STPG2: variants seen among roughly 807,000 people sequenced by gnomAD.
STPG2 encodes sperm tail PG-rich repeat containing 2.
STPG2 carries 56 observed loss-of-function variants against 54.2 expected under a neutral mutation model. The ratio of observed to expected loss-of-function variants is 1.03; its 90% CI spans 0.83 to 1.29. The LOEUF is 1.29. STPG2 is among the 50% of genes most tolerant of loss of function. The pLI is 0.00. For missense variants in STPG2, 596 were observed against 544.9 expected, an observed-to-expected ratio of 1.09 and a Z score of -0.93; for synonymous variants, 200 against 181.8, an observed-to-expected ratio of 1.10 and a Z score of -0.81.
chr4:97,981,816 T>TTATATATATAAAATGTTTATATATATATA (rs1734686855), intron 5 of STPG2, among the ~76,000 whole-genome samples: 1 of 129,266 alleles, frequency 7.7e-6, no homozygotes, highest in African/African-American at 2.8e-5. Flanking sequence ...CTTATTAACA[T>TTATATATATAAAATGTTTATATATATATA]TATATATATA....
chr4:97,923,512 T>G lies in STPG2; in HGVS notation c.1044+20385A>C, dbSNP rs1470994736. On this transcript the variant is annotated intron_variant, in intron 8 of 10. Coordinates refer to ENST00000295268, the MANE Select transcript of STPG2 (RefSeq NM_174952.3). ...AGTCTAGTGGGGACTTGGAGAATCT[T>G]TATGTCTAGCTAAGGGATTGTGAAT... Among the ~76,000 whole-genome samples the G allele has an allele frequency of 1.3e-5, 2 of 152,246 alleles. 1 individual carries two copies. Among genetic ancestry groups the G allele is most frequent in the African/African-American group, 4.8e-5 (2 of 41,476 alleles).
intron 3 of STPG2, among the ~76,000 whole-genome samples, chr4:98,124,885 T>C (rs536973400): frequency 1.5e-3 from 232 of 152,320 alleles, no homozygotes; most frequent in African/African-American, 5.3e-3. Context: ...TTTCCATTTC[T>C]TTTTCTCTAA....
chr4:98,033,410 T>C (rs929053145), intron 5 of STPG2, among the ~76,000 whole-genome samples: 2 of 151,488 alleles, frequency 1.3e-5, no homozygotes, highest in South Asian at 2.1e-4. Context: ...CAGGAAGAAG[T>C]TGAATCCCTA....
intron 6 of STPG2, among the ~76,000 whole-genome samples, chr4:97,974,754 A>G (rs539583210): frequency 2.9e-4 from 44 of 152,024 alleles, no homozygotes; most frequent in Non-Finnish European, 4.7e-4. Context: ...AGCCATGTGG[A>G]ACTGTAAGTC....
chr4:97,880,262 T>A (rs941129056), intron 8 of STPG2, among the ~76,000 whole-genome samples: 18 of 152,208 alleles, frequency 1.2e-4, no homozygotes, highest in African/African-American at 3.6e-4. Flanking sequence ...CTTTACATTT[T>A]GTTTCAATGG....
intron 9 of STPG2, among the ~76,000 whole-genome samples, chr4:97,763,621 C>T (rs1725954075): frequency 1.3e-5 from 2 of 152,060 alleles, no homozygotes; most frequent in African/African-American, 4.8e-5. Context: ...CAGAACACAG[C>T]TTCACAATTT....
intron 5 of STPG2, among the ~76,000 whole-genome samples, chr4:98,085,886 T>C (rs1228262202): frequency 6.6e-6 from 1 of 152,060 alleles, no homozygotes; most frequent in Non-Finnish European, 1.5e-5. Flanking sequence ...TACATATTGA[T>C]CAAGCCTAAT....
chr4:97,712,901 AATGT>A, intron 9 of STPG2, 87 bp from the exon 10 acceptor site: 1 of 786,042 alleles, frequency 1.3e-6, no homozygotes, highest in Non-Finnish European at 1.9e-6. Context: ...TTGTGCTCTT[AATGT>A]ATAAAATTAG....
At chr4:97,842,644 AT>A (rs529976162) in intron 8 of STPG2, among the ~76,000 whole-genome samples, 12 of 151,792 alleles carry the variant, frequency 7.9e-5, no homozygotes, top group African/African-American at 2.9e-4. Flanking sequence ...CACAGAAACT[AT>A]TTTTTTTAAT....
intron 9 of STPG2, among the ~76,000 whole-genome samples, chr4:97,713,642 T>A (rs1244267723): frequency 6.6e-6 from 1 of 152,182 alleles, no homozygotes; most frequent in South Asian, 2.1e-4. Flanking sequence ...CCTATGAGAA[T>A]CTAATGTCAG....
chr4:97,963,510 C>G (rs907074357), intron 7 of STPG2, among the ~76,000 whole-genome samples: 1 of 152,010 alleles, frequency 6.6e-6, no homozygotes, highest in Non-Finnish European at 1.5e-5. Context: ...TTTAAAATAG[C>G]CAGGTGTAAC....
At chr4:97,905,567 G>C (rs1389979171) in intron 8 of STPG2, among the ~76,000 whole-genome samples, 1 of 151,610 alleles carries the variant, frequency 6.6e-6, no homozygotes, top group Non-Finnish European at 1.5e-5. Context: ...AAAATAACCA[G>C]TTAACATCAT....
At chr4:97,908,932 G>T (rs1356542711) in intron 8 of STPG2, among the ~76,000 whole-genome samples, 3 of 151,082 alleles carry the variant, frequency 2.0e-5, no homozygotes, top group Non-Finnish European at 4.4e-5. Flanking sequence ...AAGTTAGTGG[G>T]TGCAGCGCAC....
At chr4:97,956,541 C>T (rs1383534064) in intron 7 of STPG2, among the ~76,000 whole-genome samples, 1 of 151,946 alleles carries the variant, frequency 6.6e-6, no homozygotes, top group Non-Finnish European at 1.5e-5. Context: ...ACACACAGAC[C>T]CACTGAAAAA....
intron 6 of STPG2, among the ~76,000 whole-genome samples, chr4:97,976,605 G>A (rs1560618955): frequency 6.6e-6 from 1 of 152,090 alleles, no homozygotes; most frequent in Non-Finnish European, 1.5e-5. Flanking sequence ...GTAGTAACTT[G>A]CAAACATTTT....
At chr4:97,531,945 A>G (rs903849524) in intron 4 of STPG2, among the ~76,000 whole-genome samples, 2 of 152,240 alleles carry the variant, frequency 1.3e-5, no homozygotes, top group Non-Finnish European at 2.9e-5. Context: ...GTTATTACAC[A>G]TAAAATGCCT....
At chr4:97,447,776 A>T (rs1459543388) in intron 4 of STPG2, among the ~76,000 whole-genome samples, 1 of 152,168 alleles carries the variant, frequency 6.6e-6, no homozygotes, top group Non-Finnish European at 1.5e-5. Context: ...CTTTTAGAGA[A>T]TCTCTGCTAG....
chr4:97,619,098 T>C (rs1214414685), intron 10 of STPG2, among the ~76,000 whole-genome samples: 5 of 152,158 alleles, frequency 3.3e-5, no homozygotes, highest in Non-Finnish European at 5.9e-5. Flanking sequence ...AAACTACATA[T>C]ACCCCTTCTA....
At chr4:97,488,198 A>G (rs1359486824) in intron 4 of STPG2, among the ~76,000 whole-genome samples, 1 of 151,674 alleles carries the variant, frequency 6.6e-6, no homozygotes, top group African/African-American at 2.4e-5. Flanking sequence ...GCATTTATCT[A>G]CAGAGAATAT....
Sources: allele counts gnomAD v4.1 joint callset (sites outside exome capture counted in the v4.1 genomes callset), GRCh38; gene constraint gnomAD v4.1.1; transcripts MANE v1.5; gene names NCBI Gene and HGNC (gene_info 2026-07-23, HGNC 2026-07-21).